ADGRL3: variants seen among roughly 807,000 people sequenced by gnomAD.
ADGRL3 encodes calcium-independent alpha-latrotoxin receptor 3.
ADGRL3 carries 62 observed loss-of-function variants against 153.5 expected under a neutral mutation model. The ratio of observed to expected loss-of-function variants is 0.40; its 90% CI spans 0.33 to 0.50. The LOEUF (loss-of-function observed/expected upper bound fraction) is 0.50. ADGRL3 is among the 20% of genes least tolerant of loss of function. ADGRL3 has a pLI of 0.47. For synonymous variants in ADGRL3, 710 were observed against 672.5 expected (o/e 1.06, Z -0.86); for missense variants, 1,641 against 1,859.4 (o/e 0.88, Z 2.16).
chr4:61,909,448 A>G (rs1363877327), intron 11 of ADGRL3, 112 bp from the exon 12 acceptor site: 2 of 694,592 alleles, frequency 2.9e-6, no homozygotes, highest in Non-Finnish European at 4.6e-6. Flanking sequence ...AAGTTTAACA[A>G]CTATTTCTTG....
intron 2 of ADGRL3, among the ~76,000 whole-genome samples, chr4:61,392,779 G>C (rs2096828517): frequency 6.8e-6 from 1 of 147,008 alleles, no homozygotes; most frequent in African/African-American, 2.5e-5. Context: ...TAACAAATTT[G>C]GTCATCTAGT....
chr4:61,223,336 A>G lies in ADGRL3; in HGVS notation c.-240+21571A>G, dbSNP rs540189445. The stretch of plus-strand genomic sequence containing the variant: ...TATGGCATTTTGATGAAAGAGTAGA[A>G]AGTGCATTTAATGGGCTCTCTGCAG... On this transcript the variant is annotated intron_variant, in intron 1 of 26. Transcript: ENST00000683033. Among the ~76,000 whole-genome samples, 5 of 152,356 alleles carry G rather than the reference A, an allele frequency of 3.3e-5. No individual in the cohort carries two copies. In the South Asian group the frequency reaches 1.0e-3, roughly 32 times the overall value.
chr4:61,261,614 A>G (rs546735685), intron 1 of ADGRL3, among the ~76,000 whole-genome samples: 1 of 152,284 alleles, frequency 6.6e-6, no homozygotes, highest in African/African-American at 2.4e-5. Context: ...GGCCAACACT[A>G]TAAATAAGGA....
At chr4:61,363,545 T>C (rs2096332278) in intron 1 of ADGRL3, among the ~76,000 whole-genome samples, 1 of 152,192 alleles carries the variant, frequency 6.6e-6, no homozygotes, top group African/African-American at 2.4e-5. Flanking sequence ...TTTGCAGCTG[T>C]GCCATTTAGA....
At chr4:61,355,042 C>T (rs1341324802) in intron 1 of ADGRL3, among the ~76,000 whole-genome samples, 1 of 151,980 alleles carries the variant, frequency 6.6e-6, no homozygotes, top group Non-Finnish European at 1.5e-5. Context: ...ATACAAAGAC[C>T]AGGTTTATTT....
chr4:61,927,893 ATCTG>A (rs1433327465), intron 13 of ADGRL3, among the ~76,000 whole-genome samples: 18 of 152,030 alleles, frequency 1.2e-4, no homozygotes, highest in Admixed American at 7.2e-4. Flanking sequence ...TACTATTTTC[ATCTG>A]TCTATCTATC....
chr4:61,282,698 T>C (rs958796570), intron 1 of ADGRL3, among the ~76,000 whole-genome samples: 1 of 151,978 alleles, frequency 6.6e-6, no homozygotes, highest in Admixed American at 6.6e-5. Flanking sequence ...TTTATCTTGT[T>C]TTATATTGCC....
chr4:61,409,809 T>C (rs937835786), intron 2 of ADGRL3, among the ~76,000 whole-genome samples: 5 of 152,090 alleles, frequency 3.3e-5, no homozygotes, highest in Non-Finnish European at 4.4e-5. Context: ...GGGTTTGTTA[T>C]GCCTTTCTTA....
At chr4:61,489,808 G>A (rs2098238273) in intron 2 of ADGRL3, among the ~76,000 whole-genome samples, 1 of 151,974 alleles carries the variant, frequency 6.6e-6, no homozygotes, top group Non-Finnish European at 1.5e-5. Flanking sequence ...ATATTTAGGA[G>A]CAATATAGAG....
chr4:61,617,230 T>A (rs1350649363), intron 5 of ADGRL3, among the ~76,000 whole-genome samples: 1 of 152,198 alleles, frequency 6.6e-6, no homozygotes, highest in Non-Finnish European at 1.5e-5. Context: ...AAAGGTAACC[T>A]CACATATAAA....
intron 9 of ADGRL3, among the ~76,000 whole-genome samples, chr4:61,814,686 A>G (rs528996209): frequency 6.6e-6 from 1 of 152,264 alleles, no homozygotes; most frequent in Admixed American, 6.5e-5. Context: ...GTTTCTGAAC[A>G]TGTTTTCTGT....
chr4:61,804,921 CTTTA>C (rs377521778), intron 8 of ADGRL3, among the ~76,000 whole-genome samples: 1,874 of 147,764 alleles, frequency 0.013, 40 homozygotes, highest in East Asian at 0.044. Flanking sequence ...TTTCCTGTGC[CTTTA>C]TTTATTTATT....
At chr4:61,449,686 T>C (rs1416808480) in intron 2 of ADGRL3, among the ~76,000 whole-genome samples, 1 of 152,104 alleles carries the variant, frequency 6.6e-6, no homozygotes, top group East Asian at 1.9e-4. Flanking sequence ...TTAAAGTATT[T>C]CCACACAGGA....
chr4:61,617,115 T>C (rs1407268069), intron 5 of ADGRL3, among the ~76,000 whole-genome samples: 1 of 152,212 alleles, frequency 6.6e-6, no homozygotes, highest in Non-Finnish European at 1.5e-5. Context: ...GGTCCCTTCG[T>C]AGGCATAGGA....
At chr4:61,872,196 A>G (rs897802826) in intron 9 of ADGRL3, among the ~76,000 whole-genome samples, 5 of 152,170 alleles carry the variant, frequency 3.3e-5, no homozygotes, top group African/African-American at 1.2e-4. Context: ...GCTGGATCAT[A>G]GTGTGTGTCG....
intron 6 of ADGRL3, among the ~76,000 whole-genome samples, chr4:61,702,434 TA>T (rs1459136157): frequency 6.6e-6 from 1 of 152,220 alleles, no homozygotes; most frequent in Non-Finnish European, 1.5e-5. Context: ...AACATCTTTT[TA>T]AGGCTGTTTT....
intron 5 of ADGRL3, among the ~76,000 whole-genome samples, chr4:61,675,873 T>C (rs2095173921): frequency 6.6e-6 from 1 of 151,820 alleles, no homozygotes; most frequent in South Asian, 2.1e-4. Context: ...GTCACCCAAT[T>C]GTGCTATCAG....
chr4:61,619,678 C>T (rs1468017778), intron 5 of ADGRL3, among the ~76,000 whole-genome samples: 1 of 152,176 alleles, frequency 6.6e-6, no homozygotes, highest in African/African-American at 2.4e-5. Flanking sequence ...AATTGAAACT[C>T]ATAAGGTGGC....
intron 2 of ADGRL3, among the ~76,000 whole-genome samples, chr4:61,450,814 A>T (rs567125193): frequency 2.0e-5 from 3 of 152,152 alleles, no homozygotes; most frequent in African/African-American, 7.2e-5. Flanking sequence ...TTTGAGAACC[A>T]CGTGAAAAAT....
Sources: allele counts gnomAD v4.1 joint callset (sites outside exome capture counted in the v4.1 genomes callset), GRCh38; gene constraint gnomAD v4.1.1; transcripts MANE v1.5; gene names NCBI Gene and HGNC (gene_info 2026-07-23, HGNC 2026-07-21).